The following CPAP variants were observed in gnomAD, a reference collection of about 807,000 sequenced individuals.
CPAP encodes centrosome assembly and centriole elongation protein.
At chr13:24,894,666 C>CCGG in the CPAP span, among the ~76,000 whole-genome samples, 3 of 152,146 alleles carry the variant, frequency 2.0e-5, no homozygotes, top group Non-Finnish European at 4.4e-5. Context: ...GAAATGCCAG[C>CCGG]CAGCGGTAAG....
chr13:24,924,793 C>T, the CPAP span: 1 of 152,186 alleles, frequency 6.6e-6, no homozygotes, highest in African/African-American at 2.4e-5. Flanking sequence ...ATCAGGCAGA[C>T]CTGGGATCAA....
chr13:24,905,352 G>A, the CPAP span: 1 of 1,613,896 alleles, frequency 6.2e-7, no homozygotes, highest in Non-Finnish European at 8.5e-7. Flanking sequence ...TCACCAGGTG[G>A]TTGGTCTTGA....
chr13:24,919,013 C>A, the CPAP span, among the ~76,000 whole-genome samples: 2 of 149,700 alleles, frequency 1.3e-5, no homozygotes, highest in Non-Finnish European at 1.5e-5. Flanking sequence ...TATAAAAAAG[C>A]CTGGAAAGAA....
the CPAP span, among the ~76,000 whole-genome samples, chr13:24,905,009 TATACAA>T: frequency 6.6e-6 from 1 of 152,176 alleles, no homozygotes; most frequent in Admixed American, 6.5e-5. Flanking sequence ...AAGGTAATTA[TATACAA>T]ACTGACACAT....
chr13:24,930,635 G>A, the CPAP span, among the ~76,000 whole-genome samples: 1 of 152,180 alleles, frequency 6.6e-6, no homozygotes, highest in Non-Finnish European at 1.5e-5. Context: ...TGCTGCAAAG[G>A]ACATGATTTC....
At chr13:24,912,392 C>T in the CPAP span, among the ~76,000 whole-genome samples, 75 of 152,294 alleles carry the variant, frequency 4.9e-4, no homozygotes, top group Admixed American at 1.5e-3. Flanking sequence ...AATGAGGTAA[C>T]AACTTAAAGT....
At chr13:24,932,295 C>T in the CPAP span, among the ~76,000 whole-genome samples, 1 of 152,156 alleles carries the variant, frequency 6.6e-6, no homozygotes, top group African/African-American at 2.4e-5. Context: ...GGCAACATGA[C>T]AAAAACCCAT....
the CPAP span, chr13:24,907,946 G>T: frequency 9.0e-7 from 1 of 1,113,154 alleles, no homozygotes; most frequent in Non-Finnish European, 1.4e-6. Flanking sequence ...TTCAAACAAA[G>T]AAAGTGTTCA....
At chr13:24,884,420 G>C in the CPAP span, 1 of 1,613,964 alleles carries the variant, frequency 6.2e-7, no homozygotes, top group Non-Finnish European at 8.5e-7. Context: ...AGTTCCATTG[G>C]GAAACAGTAT....
chr13:24,892,978 G>C, the CPAP span: 62 of 832,144 alleles, frequency 7.5e-5, no homozygotes, highest in Middle Eastern at 3.1e-4. Flanking sequence ...AGAAAGGGAA[G>C]GCTTAGTCAA....
chr13:24,885,189 G>A, the CPAP span: 1 of 883,650 alleles, frequency 1.1e-6, no homozygotes, highest in Non-Finnish European at 1.8e-6. Context: ...TGTCCAAAGA[G>A]CCCTTATTTT....
chr13:24,889,070 C>T, the CPAP span: 5 of 485,340 alleles, frequency 1.0e-5, no homozygotes, highest in East Asian at 7.7e-5. Flanking sequence ...TTGGGATGCT[C>T]GACCAGTATA....
chr13:24,912,015 G>C, the CPAP span: 1 of 1,613,908 alleles, frequency 6.2e-7, no homozygotes, highest in South Asian at 1.1e-5. Context: ...CTCTGTAGTT[G>C]CTCCAACTGT....
At chr13:24,919,380 A>G in the CPAP span, among the ~76,000 whole-genome samples, 1 of 152,214 alleles carries the variant, frequency 6.6e-6, no homozygotes, top group African/African-American at 2.4e-5. Flanking sequence ...GATGATATCA[A>G]TTCAAAGCCT....
the CPAP span, chr13:24,883,974 G>A: frequency 1.2e-6 from 2 of 1,614,080 alleles, no homozygotes; most frequent in Non-Finnish European, 1.7e-6. Flanking sequence ...GTTGTACTCT[G>A]ACAATTGTAC....
At chr13:24,899,122 T>G in the CPAP span, among the ~76,000 whole-genome samples, 36 of 152,278 alleles carry the variant, frequency 2.4e-4, no homozygotes, top group African/African-American at 8.4e-4. Context: ...TCAAAAAGAT[T>G]AACACAACAT....
the CPAP span, chr13:24,892,714 G>A: frequency 1.1e-5 from 18 of 1,613,860 alleles, no homozygotes; most frequent in East Asian, 4.5e-5. Flanking sequence ...GCATCCAGTC[G>A]GAATCTTTCC....
the CPAP span, among the ~76,000 whole-genome samples, chr13:24,928,295 C>T: frequency 6.6e-6 from 1 of 152,210 alleles, no homozygotes; most frequent in Non-Finnish European, 1.5e-5. Flanking sequence ...GAAAGGGGAA[C>T]TCCAGCAGGT....
At chr13:24,910,285 G>A in the CPAP span, among the ~76,000 whole-genome samples, 1 of 152,184 alleles carries the variant, frequency 6.6e-6, no homozygotes, top group East Asian at 1.9e-4. Context: ...GTGCAGTGGT[G>A]CGATCTCAGC....
Sources: gnomAD v4.1 joint callset for allele counts (sites outside exome capture counted in the v4.1 genomes callset) on GRCh38, gnomAD v4.1.1 for gene constraint, MANE v1.5 for transcripts, NCBI Gene and HGNC (gene_info 2026-07-23, HGNC 2026-07-21) for gene names.